MEF2C: variants seen among roughly 807,000 people sequenced by gnomAD.
MEF2C encodes myocyte-specific enhancer factor 2C.
MEF2C carries 6 observed loss-of-function variants against 50.5 expected under a neutral mutation model. The ratio of observed to expected loss-of-function variants is 0.12; its 90% CI spans 0.07 to 0.23. MEF2C has a LOEUF of 0.23. MEF2C is among the 10% of genes least tolerant of loss of function. The pLI, the probability that MEF2C is intolerant of heterozygous loss-of-function variation, is 1.00. For missense variants in MEF2C, 276 were observed against 605.0 expected, an observed-to-expected ratio of 0.46 and a Z score of 5.70; for synonymous variants, 183 against 228.0, an observed-to-expected ratio of 0.80 and a Z score of 1.78.
intron 3 of MEF2C, among the ~76,000 whole-genome samples, chr5:88,767,168 C>T (rs551090672): frequency 1.3e-5 from 2 of 152,236 alleles, no homozygotes; most frequent in East Asian, 1.9e-4. Flanking sequence ...ATTCGGCAAA[C>T]AATTATTGAA....
At chr5:88,786,040 G>A (rs1193943322) in intron 3 of MEF2C, among the ~76,000 whole-genome samples, 1 of 152,040 alleles carries the variant, frequency 6.6e-6, no homozygotes, top group Non-Finnish European at 1.5e-5. Flanking sequence ...CTGAGAGCCA[G>A]GCTATTTTTA....
At chr5:88,851,092 G>A (rs1821146516) in intron 1 of MEF2C, among the ~76,000 whole-genome samples, 1 of 151,896 alleles carries the variant, frequency 6.6e-6, no homozygotes, top group African/African-American at 2.4e-5. Flanking sequence ...AATTAGCTGG[G>A]CGTGGTGGCG....
Position 88,851,233 on chromosome 5 carries a change from CAAA to C in MEF2C, c.-142-27306_-142-27304del, listed in dbSNP as rs35458971. Among the ~76,000 whole-genome samples the C allele has an allele frequency of 4.4e-3, 465 of 106,802 alleles. 2 individuals carry two copies. The highest frequency in any genetic ancestry group is 0.026 in the East Asian group (98 of 3,780). 70.1% of individuals were successfully genotyped at this position (106,802 alleles called of 152,430 possible). A position where few individuals can be genotyped will look rare whatever the true frequency, so the allele number is the denominator to read the frequency against. On this transcript the variant is annotated intron_variant, in intron 1 of 10. Coordinates refer to ENST00000504921, the MANE Select transcript of MEF2C (RefSeq NM_002397.5). Reference sequence around the variant, plus strand: ...GGTGACAGAGTGCCACTCCATCTCACAAAAAAAAAAAAAAAAAAAGAATGCAGT... The same window carrying C: ...GGTGACAGAGTGCCACTCCATCTCACAAAAAAAAAAAAAAAAGAATGCAGT...
intron 3 of MEF2C, chr5:88,780,634 ATACT>A (rs56697837): frequency 0.011 from 4,718 of 446,516 alleles, 203 homozygotes; most frequent in African/African-American, 0.093. Context: ...CAGGGCAAAG[ATACT>A]TAAGTTTCAC....
chr5:88,722,733 G>A lies in MEF2C; in HGVS notation c.1293C>T (p.Tyr431=), dbSNP rs780925017. 5.0e-6 allele frequency: 8 copies of A among 1,613,852 alleles called. No individual in the cohort carries two copies. The highest frequency in any genetic ancestry group is 1.1e-5 in the South Asian group (1 of 91,090). ...VDSLSSCSSS[Y]DGSDREDHRN... ...GGTGATCCTCTCGGTCGCTCCCGTC[G>A]TACGAACTGCTACAGCTGCTCAAGC... Residue 431 remains tyrosine (Y), a synonymous_variant, in exon 11 of 11, where the codon TAC becomes TAT. Transcript: ENST00000504921.
intron 10 of MEF2C, among the ~76,000 whole-genome samples, chr5:88,725,434 G>A (rs1758261030): frequency 6.6e-6 from 1 of 152,056 alleles, no homozygotes; most frequent in Non-Finnish European, 1.5e-5. Flanking sequence ...GAAAAAAGTA[G>A]CATTAAAATA....
intron 6 of MEF2C, chr5:88,743,505 T>G (rs1767855478): frequency 5.1e-6 from 5 of 984,584 alleles, no homozygotes; most frequent in Non-Finnish European, 6.0e-6. Flanking sequence ...ATGCTAAGTT[T>G]TTTCTTTTTC....
intron 3 of MEF2C, among the ~76,000 whole-genome samples, chr5:88,768,326 A>C (rs773273949): frequency 6.6e-6 from 1 of 152,124 alleles, no homozygotes; most frequent in African/African-American, 2.4e-5. Flanking sequence ...ACACATTTCC[A>C]CTTCAATGTT....
intron 1 of MEF2C, chr5:88,824,491 T>G: frequency 5.7e-6 from 2 of 353,460 alleles, no homozygotes; most frequent in Non-Finnish European, 7.9e-6. Context: ...TTTAAAAAAA[T>G]TATTGCTGTG....
intron 3 of MEF2C, among the ~76,000 whole-genome samples, chr5:88,789,031 T>C (rs1168607404): frequency 6.6e-6 from 1 of 152,188 alleles, no homozygotes; most frequent in Non-Finnish European, 1.5e-5. Context: ...GACATCATAG[T>C]GATGGAACTT....
At chr5:88,874,879 G>T (rs1402453563) in intron 1 of MEF2C, among the ~76,000 whole-genome samples, 1 of 151,838 alleles carries the variant, frequency 6.6e-6, no homozygotes, top group African/African-American at 2.4e-5. Context: ...TTATTAAGTG[G>T]TAACACTTTC....
At chr5:88,824,279 TAAATC>T (rs1809873752) in intron 1 of MEF2C, 1 of 985,188 alleles carries the variant, frequency 1.0e-6, no homozygotes, top group South Asian at 4.7e-5. Context: ...AAAAATTACC[TAAATC>T]AGAGAGTTAA....
chr5:88,798,193 T>C (rs1404200548), intron 3 of MEF2C, among the ~76,000 whole-genome samples: 1 of 152,220 alleles, frequency 6.6e-6, no homozygotes, highest in African/African-American at 2.4e-5. Context: ...CCTGTCTTGC[T>C]AGGTTGGGGA....
intron 3 of MEF2C, among the ~76,000 whole-genome samples, chr5:88,773,935 T>C (rs942784173): frequency 1.3e-5 from 2 of 152,260 alleles, no homozygotes; most frequent in African/African-American, 4.8e-5. Flanking sequence ...GCAAACCTTC[T>C]GCTTAACAGA....
chr5:88,726,457 GAAGGA>G (rs1282828179), intron 10 of MEF2C, among the ~76,000 whole-genome samples: 1 of 152,098 alleles, frequency 6.6e-6, no homozygotes, highest in Non-Finnish European at 1.5e-5. Flanking sequence ...TAGTCCATGT[GAAGGA>G]ACCTCCTTTC....
chr5:88,742,310 A>G, intron 6 of MEF2C: 1 of 985,146 alleles, frequency 1.0e-6, no homozygotes, highest in South Asian at 4.7e-5. Flanking sequence ...AGAGGAACCT[A>G]ATAGGTGTAT....
intron 3 of MEF2C, among the ~76,000 whole-genome samples, chr5:88,780,062 G>A (rs906462815): frequency 7.3e-5 from 11 of 151,426 alleles, no homozygotes; most frequent in East Asian, 1.9e-4. Context: ...CAGGAGAATC[G>A]TTTGAACTTA....
chr5:88,758,870 CTT>C (rs1776562730), intron 4 of MEF2C, among the ~76,000 whole-genome samples: 1 of 152,140 alleles, frequency 6.6e-6, no homozygotes, highest in South Asian at 2.1e-4. Context: ...ATCTTGAACT[CTT>C]TACGTAACAG....
chr5:88,815,833 G>A (rs1805078298), intron 2 of MEF2C, among the ~76,000 whole-genome samples: 1 of 151,932 alleles, frequency 6.6e-6, no homozygotes, highest in African/African-American at 2.4e-5. Flanking sequence ...GAAACTTCTC[G>A]GTGTATGTAG....
Sources: allele counts gnomAD v4.1 joint callset (sites outside exome capture counted in the v4.1 genomes callset), GRCh38; gene constraint gnomAD v4.1.1; transcripts MANE v1.5; gene names NCBI Gene and HGNC (gene_info 2026-07-23, HGNC 2026-07-21).